The following ARHGEF9 variants were observed in gnomAD, a reference collection of about 807,000 sequenced individuals.
ARHGEF9 encodes rho guanine nucleotide exchange factor 9.
ARHGEF9 carries 2 observed loss-of-function variants against 41.3 expected under a neutral mutation model. The ratio of observed to expected loss-of-function variants is 0.05; its 90% confidence interval spans 0.02 to 0.15. The LOEUF (loss-of-function observed/expected upper bound fraction) is 0.15. Among genes scored for constraint, ARHGEF9 ranks in the 10% least tolerant of loss-of-function variants. The pLI, the probability that ARHGEF9 is intolerant of heterozygous loss-of-function variation, is 1.00. For missense variants in ARHGEF9, 225 were observed against 424.7 expected, an observed-to-expected ratio of 0.53 and a Z score of 4.13; for synonymous variants, 160 against 154.4, an observed-to-expected ratio of 1.04 and a Z score of -0.27.
At chrX:63,690,539 C>A (rs1482279487) in intron 4 of ARHGEF9, among the ~76,000 whole-genome samples, 2 of 111,761 alleles carry the variant, frequency 1.8e-5, no homozygotes, top group South Asian at 3.7e-4. Context: ...GGTTTCACTG[C>A]TGAATTCCAC....
intron 1 of ARHGEF9, among the ~76,000 whole-genome samples, chrX:63,769,290 T>TA (rs554674478): frequency 7.5e-5 from 8 of 106,224 alleles, no homozygotes; most frequent in African/African-American, 1.0e-4. Flanking sequence ...AAACTAAACT[T>TA]AAAAAAAAAA....
intron 3 of ARHGEF9, among the ~76,000 whole-genome samples, chrX:63,698,005 T>C (rs1215160116): frequency 9.2e-6 from 1 of 109,253 alleles, no homozygotes; most frequent in African/African-American, 3.3e-5. Context: ...CTATCTGAGG[T>C]AGCTGGCCAG....
chrX:63,645,798 C>T (rs2048006877), intron 8 of ARHGEF9, among the ~76,000 whole-genome samples: 1 of 111,924 alleles, frequency 8.9e-6, no homozygotes. Context: ...CCTGAGGAAT[C>T]ACCACACTGA....
rs2047358549 is a variant in ARHGEF9, at chrX:63,637,345, T to C, written c.*683A>G. 1 of 294,363 alleles carries C rather than the reference T, an allele frequency of 3.4e-6. No individual in the cohort carries two copies. Among genetic ancestry groups the C allele is most frequent in the Non-Finnish European group, 5.9e-6 (1 of 169,714 alleles). 24.3% of individuals were successfully genotyped at this position (294,363 alleles called of 1,213,427 possible). A position where few individuals can be genotyped will look rare whatever the true frequency, so the allele number is the denominator to read the frequency against. On this transcript the variant is annotated 3_prime_UTR_variant, in exon 10 of 10. Coordinates refer to ENST00000671741, the MANE Select transcript of ARHGEF9 (RefSeq NM_001353921.2). ...TAAAAGCAATAGGAATACTGAGCAGTTTTGTCACAGGGCACAACAGAGCAT... is the reference window on the plus strand; with the variant it reads ...TAAAAGCAATAGGAATACTGAGCAGCTTTGTCACAGGGCACAACAGAGCAT...
chrX:63,711,834 C>T (rs1229246898), intron 2 of ARHGEF9, among the ~76,000 whole-genome samples: 1 of 112,015 alleles, frequency 8.9e-6, no homozygotes, highest in African/African-American at 3.2e-5. Flanking sequence ...ATGATACCAT[C>T]AATAAAGTGA....
intron 1 of ARHGEF9, among the ~76,000 whole-genome samples, chrX:63,747,279 T>G (rs1556435259): frequency 8.9e-6 from 1 of 111,975 alleles, no homozygotes; most frequent in Admixed American, 9.4e-5. Flanking sequence ...TTCCCCATCA[T>G]TACAGCAAAT....
At chrX:63,735,589 G>A (rs1556422276) in intron 1 of ARHGEF9, among the ~76,000 whole-genome samples, 1 of 111,965 alleles carries the variant, frequency 8.9e-6, no homozygotes, top group Admixed American at 9.4e-5. Flanking sequence ...TCCTAACGTC[G>A]TTAAATGTGA....
intron 8 of ARHGEF9, among the ~76,000 whole-genome samples, chrX:63,645,175 G>C (rs1395583176): frequency 5.4e-5 from 6 of 110,575 alleles, no homozygotes; most frequent in Non-Finnish European, 1.1e-4. Context: ...TAAAACCTCT[G>C]AGATACAGTT....
intron 4 of ARHGEF9, among the ~76,000 whole-genome samples, chrX:63,686,945 T>C (rs1209004724): frequency 9.1e-6 from 1 of 109,869 alleles, no homozygotes; most frequent in Non-Finnish European, 1.9e-5. Flanking sequence ...GACAGCTAGC[T>C]TCCCCACCAT....
intron 2 of ARHGEF9, among the ~76,000 whole-genome samples, chrX:63,718,547 C>T (rs2053458491): frequency 9.0e-6 from 1 of 110,895 alleles, no homozygotes; most frequent in South Asian, 3.9e-4. Context: ...AAGATCATAG[C>T]CTCAACTCAG....
chrX:63,710,985 T>C (rs1370513067), intron 2 of ARHGEF9, among the ~76,000 whole-genome samples: 2 of 111,768 alleles, frequency 1.8e-5, no homozygotes, highest in Non-Finnish European at 3.8e-5. Context: ...TCAGCAATGT[T>C]GCAGGATATA....
rs1439202047 is a variant in ARHGEF9 at position 63,681,092 on chromosome X, G to A, written c.583-2520C>T. On this transcript the variant is annotated intron_variant, in intron 4 of 9. Coordinates refer to ENST00000671741, the MANE Select transcript of ARHGEF9 (RefSeq NM_001353921.2). ...AGCTGCCTGAGCTACTCCTACCACA[G>A]GTGCCTTGGCAAAGGGACTCAGCAC... is the stretch of plus-strand genomic sequence containing the variant. Among the ~76,000 whole-genome samples the A allele has an allele frequency of 5.4e-5, 6 of 111,449 alleles. No individual in the cohort carries two copies. In the East Asian group the frequency reaches 1.7e-3, roughly 32 times the overall value.
At chrX:63,754,671 A>G (rs1602718241) in intron 1 of ARHGEF9, 1 of 962,928 alleles carries the variant, frequency 1.0e-6, no homozygotes, top group Admixed American at 5.1e-5. Context: ...CCATACAGCC[A>G]CCATGCTAGA....
At chrX:63,723,160 C>T (rs1170043599) in intron 2 of ARHGEF9, among the ~76,000 whole-genome samples, 3 of 111,066 alleles carry the variant, frequency 2.7e-5, no homozygotes, top group Admixed American at 9.5e-5. Context: ...AAATAAGTTA[C>T]CATTTGCTAA....
rs2056260344 is a variant in ARHGEF9, at chrX:63,774,627, T to C, written c.30+10489A>G. Reference sequence around the variant, plus strand: ...TTTATCTTATGTTGTACCCTCTGCTTGGAACAACTCATGCTTCACCTACCA... The same window carrying C: ...TTTATCTTATGTTGTACCCTCTGCTCGGAACAACTCATGCTTCACCTACCA... On this transcript the variant is annotated intron_variant, in intron 1 of 9. Coordinates refer to ENST00000671741, the MANE Select transcript of ARHGEF9 (RefSeq NM_001353921.2). Among the ~76,000 whole-genome samples, 3 of 111,422 alleles carry C rather than the reference T, an allele frequency of 2.7e-5. No individual in the cohort carries two copies. The South Asian group carries it at 1.1e-3, about 42-fold the overall frequency.
intron 4 of ARHGEF9, among the ~76,000 whole-genome samples, chrX:63,692,563 A>G (rs1407565750): frequency 1.8e-5 from 2 of 112,331 alleles, no homozygotes; most frequent in African/African-American, 6.5e-5. Context: ...AAAATAACAA[A>G]TGCTGAAGAG....
intron 7 of ARHGEF9, among the ~76,000 whole-genome samples, chrX:63,662,242 A>T (rs1556342516): frequency 8.9e-6 from 1 of 111,913 alleles, no homozygotes; most frequent in East Asian, 2.8e-4. Context: ...TCATATAGTT[A>T]GCGAGTGTTG....
In ARHGEF9 at chrX:63,638,358, T is replaced by C. The variant is rs1409809087; in HGVS notation, c.1391-149A>G. 10 of 548,391 alleles carry C rather than the reference T, an allele frequency of 1.8e-5. No homozygotes were observed. In the African/African-American group the frequency reaches 1.8e-4, roughly 10 times the overall value. The allele number at this position is 548,391 out of a possible 1,213,427, so 45.2% of individuals were successfully genotyped here. Reference sequence around the variant, plus strand: ...TTTTACAAATCATCCAAGGGGAGAATTCCTCTTTCAAACAGATTTTGGAAT... The same window carrying C: ...TTTTACAAATCATCCAAGGGGAGAACTCCTCTTTCAAACAGATTTTGGAAT... On this transcript the variant is annotated intron_variant, in intron 9 of 9. Coordinates refer to ENST00000671741, the MANE Select transcript of ARHGEF9 (RefSeq NM_001353921.2).
chrX:63,756,055 G>T (rs1192212254), intron 1 of ARHGEF9: 2 of 132,996 alleles, frequency 1.5e-5, no homozygotes, highest in Non-Finnish European at 2.7e-5. Flanking sequence ...AGACCAGAAG[G>T]TTTCAAATTT....
Sources: allele counts gnomAD v4.1 joint callset (sites outside exome capture counted in the v4.1 genomes callset), GRCh38; gene constraint gnomAD v4.1.1; transcripts MANE v1.5; gene names NCBI Gene and HGNC (gene_info 2026-07-23, HGNC 2026-07-21).